The following BICRA variants were observed in gnomAD, a reference collection of about 807,000 sequenced individuals.
BICRA encodes BRD4-interacting chromatin-remodeling complex-associated protein.
Under a neutral mutation model 96.9 loss-of-function variants are expected in BICRA, and 31 were observed. The ratio of observed to expected loss-of-function variants is 0.32; its 90% confidence interval spans 0.24 to 0.43. The LOEUF is 0.43. Among genes scored for constraint, BICRA ranks in the 20% least tolerant of loss-of-function variants. BICRA has a pLI of 1.00. For synonymous variants in BICRA, 1,350 were observed against 1,071.8 expected, an observed-to-expected ratio of 1.26 and a Z score of -5.07; for missense variants, 2,283 against 2,190.3, an observed-to-expected ratio of 1.04 and a Z score of -0.84.
intron 1 of BICRA, among the ~76,000 whole-genome samples, chr19:47,660,822 C>T (rs1972692814): frequency 6.6e-6 from 1 of 152,146 alleles, no homozygotes; most frequent in Admixed American, 6.5e-5. Flanking sequence ...GGGCAAGTAC[C>T]CAACCCTTTT....
chr19:47,701,609 A>C lies in BICRA; in HGVS notation c.3877A>C (p.Asn1293His). 2 of 1,562,534 alleles carry C rather than the reference A, an allele frequency of 1.3e-6. No individual in the cohort carries two copies. Among genetic ancestry groups the C allele is most frequent in the South Asian group, 2.4e-5 (2 of 84,964 alleles). ...ADEDGPMPSR[N>H]RPPIKTYEAR... ...CGAGGACGGCCCCATGCCCTCCCGC[A>C]ACCGCCCGCCCATCAAGACCTACGA... The change falls in exon 15 of 15, where the codon AAC (asparagine) becomes CAC (histidine). Residue 1293 changes from asparagine (N) to histidine (H), a missense_variant. Asn to His is a moderately conservative substitution (Grantham distance 68). Coordinates refer to ENST00000594866, the MANE Select transcript of BICRA (RefSeq NM_001394372.1). This position sits in a 1 kb window ranked among gnomAD's most constrained non-coding sequence, Gnocchi z 5.4.
Position 47,702,269 on chromosome 19 carries a change from C to A in BICRA, c.4537C>A (p.Gln1513Lys). ...CATCGACAGCATCCTGAACCTGCAGCAGGCCCCCGGCCGGACGCCCGCGCC... is the reference window on the plus strand; with the variant it reads ...CATCGACAGCATCCTGAACCTGCAGAAGGCCCCCGGCCGGACGCCCGCGCC... ...SAIDSILNLQ[Q>K]APGRTPAPSY... Residue 1513 changes from glutamine (Q) to lysine (K), a missense_variant, in exon 15 of 15, where the codon CAG (glutamine) becomes AAG (lysine). By Grantham distance (53) the Gln-to-Lys change is moderately conservative (BLOSUM62 1). Transcript: ENST00000594866. The A allele has an allele frequency of 1.3e-6, 2 of 1,597,004 alleles. No homozygotes were observed. The highest frequency in any genetic ancestry group is 8.5e-7 in the Non-Finnish European group (1 of 1,177,270).
In BICRA at chr19:47,702,233, C is replaced by T; in HGVS notation, c.4501C>T (p.Leu1501=). ...SPQDDTLTEH[L]QSAIDSILNL... ...GCAGGATGACACGCTCACCGAGCACCTGCAGAGCGCCATCGACAGCATCCT... is the reference window on the plus strand; with the variant it reads ...GCAGGATGACACGCTCACCGAGCACTTGCAGAGCGCCATCGACAGCATCCT... The change falls in exon 15 of 15, where the codon CTG becomes TTG. Residue 1501 remains leucine, a synonymous_variant. Transcript: ENST00000594866. The T allele has an allele frequency of 1.3e-6, 2 of 1,599,518 alleles. No homozygotes were observed. The highest frequency in any genetic ancestry group is 1.7e-6 in the Non-Finnish European group (2 of 1,177,928).
intron 1 of BICRA, among the ~76,000 whole-genome samples, chr19:47,625,458 G>T (rs529717482): frequency 6.6e-6 from 1 of 152,030 alleles, no homozygotes; most frequent in Non-Finnish European, 1.5e-5. Context: ...TGACTTTCTC[G>T]TCCAATTTCC....
chr19:47,625,163 C>T (rs1322106069), intron 1 of BICRA, among the ~76,000 whole-genome samples: 1 of 151,832 alleles, frequency 6.6e-6, no homozygotes, highest in East Asian at 1.9e-4. Context: ...CCACGCCCAG[C>T]TAATTTTTGT....
chr19:47,649,292 T>G (rs1286139593), intron 1 of BICRA, among the ~76,000 whole-genome samples: 2 of 152,208 alleles, frequency 1.3e-5, no homozygotes, highest in African/African-American at 2.4e-5. Flanking sequence ...GGCCTGTATG[T>G]TATTAATATT....
intron 1 of BICRA, among the ~76,000 whole-genome samples, chr19:47,648,775 T>G (rs4801728): frequency 6.7e-6 from 1 of 150,224 alleles, no homozygotes; most frequent in Non-Finnish European, 1.5e-5. Context: ...GCCTCCTGAG[T>G]TCAAGTGAGC....
chr19:47,685,715 C>G (rs925182916), intron 7 of BICRA, among the ~76,000 whole-genome samples: 1 of 150,696 alleles, frequency 6.6e-6, no homozygotes, highest in East Asian at 2.0e-4. Context: ...TCTGTGCTCT[C>G]TGTACCCAGA....
rs556256165 is a variant in BICRA at position 47,696,747 on chromosome 19, G to C, written c.3248+235G>C. 2.0e-5 allele frequency among the ~76,000 whole-genome samples: 3 copies of C among 152,346 alleles called. No individual in the cohort carries two copies. In the East Asian group the frequency reaches 5.8e-4, roughly 29 times the overall value. ...GGCTCCGCCAGGCTGGGGCTCAGGA[G>C]GGCGGCAGTTTGGTCCATCCTGGTT... On this transcript the variant is annotated intron_variant, in intron 11 of 14. Coordinates refer to ENST00000594866, the MANE Select transcript of BICRA (RefSeq NM_001394372.1).
At position 47,695,360 on chromosome 19, in the gene BICRA, C is replaced by CCCCCG; in HGVS notation, c.3077-3_3077-2insCCGCC. ...CCCTGTCTCCCCCACCCCACCCACC[C>CCCCCG]CCAGGCCTCCCTCCTCTGCTTCCAG... is the stretch of plus-strand genomic sequence containing the variant. On this transcript the variant is annotated splice_polypyrimidine_tract_variant and splice_region_variant and intron_variant, in intron 9 of 14. Coordinates refer to ENST00000594866, the MANE Select transcript of BICRA (RefSeq NM_001394372.1). The CCCCCG allele has an allele frequency of 9.0e-7, 1 of 1,114,190 alleles. No individual in the cohort carries two copies. The highest frequency in any genetic ancestry group is 1.3e-6 in the Non-Finnish European group (1 of 760,870). The allele number at this position is 1,114,190 out of a possible 1,614,324, so 69.0% of individuals were successfully genotyped here. A position where few individuals can be genotyped will look rare whatever the true frequency, so the allele number is the denominator to read the frequency against.
In BICRA at chr19:47,619,180, G is replaced by GTA. The variant is rs910501128; in HGVS notation, c.-108+10022_-108+10023dup. ...GTATACTTACTCTTTCGTGGACAGT[G>GTA]TATATATATATGTATATATACATAT... On this transcript the variant is annotated intron_variant, in intron 1 of 14. Coordinates refer to ENST00000594866, the MANE Select transcript of BICRA (RefSeq NM_001394372.1). 6.4e-4 allele frequency among the ~76,000 whole-genome samples: 70 copies of GTA among 108,970 alleles called. 1 individual carries two copies. Among genetic ancestry groups the GTA allele is most frequent in the African/African-American group, 1.6e-3 (44 of 27,368 alleles). 71.5% of individuals were successfully genotyped at this position (108,970 alleles called of 152,430 possible).
chr19:47,696,972 C>T (rs1973354465), intron 11 of BICRA, among the ~76,000 whole-genome samples: 1 of 148,440 alleles, frequency 6.7e-6, no homozygotes. Flanking sequence ...GCCCTCTCTC[C>T]TGCCCTCCTT....
intron 7 of BICRA, among the ~76,000 whole-genome samples, chr19:47,693,493 A>G (rs1291374527): frequency 6.6e-6 from 1 of 152,226 alleles, no homozygotes; most frequent in African/African-American, 2.4e-5. Flanking sequence ...GCCCGCATCC[A>G]GAGGTCCACA....
At chr19:47,674,136 G>A (rs1972907232) in intron 4 of BICRA, among the ~76,000 whole-genome samples, 1 of 152,184 alleles carries the variant, frequency 6.6e-6, no homozygotes, top group Non-Finnish European at 1.5e-5. Context: ...TTGAAGGTGA[G>A]ACCTGAAGGA....
intron 1 of BICRA, among the ~76,000 whole-genome samples, chr19:47,655,193 T>G (rs1972596304): frequency 6.6e-6 from 1 of 152,062 alleles, no homozygotes; most frequent in Non-Finnish European, 1.5e-5. Flanking sequence ...AGTGCCATGT[T>G]TTCTATATTT....
At chr19:47,686,011 A>G (rs1228054571) in intron 7 of BICRA, among the ~76,000 whole-genome samples, 1 of 151,128 alleles carries the variant, frequency 6.6e-6, no homozygotes, top group African/African-American at 2.4e-5. Context: ...GCTAACTGCA[A>G]CCTTCACCTC....
chr19:47,694,731 C>G lies in BICRA; in HGVS notation c.2895+5C>G, dbSNP rs199554982. The G allele has an allele frequency of 1.7e-4, 246 of 1,431,252 alleles. No individual in the cohort carries two copies. The highest frequency in any genetic ancestry group is 5.4e-4 in the Middle Eastern group (3 of 5,566). 88.7% of individuals were successfully genotyped at this position (1,431,252 alleles called of 1,614,324 possible). On this transcript the variant is annotated splice_donor_5th_base_variant and intron_variant, in intron 8 of 14. Transcript: ENST00000594866. ...CTTCTCGAGAGATTTCACCAGGTAA[C>G]GGGAGGCAGGGACTGCCCGCCCCAT...
rs1224822627 is a variant in BICRA at position 47,694,674 on chromosome 19, C to A, written c.2843C>A (p.Thr948Asn). 2 of 1,596,902 alleles carry A rather than the reference C, an allele frequency of 1.3e-6. No homozygotes were observed. Among genetic ancestry groups the A allele is most frequent in the African/African-American group, 1.3e-5 (1 of 74,432 alleles). Residue 948 changes from threonine to asparagine, a missense_variant, in exon 8 of 15, where the codon ACC becomes AAC. Thr to Asn is a moderately conservative substitution (Grantham distance 65). Transcript: ENST00000594866. ...CCTCGGACCTTCCAGATGGTGACCA[C>A]CCCCTTCCCAGCGCTGCCCCAGCCG... The part of the protein sequence containing the change: ...PPPRTFQMVT[T>N]PFPALPQPKA...
chr19:47,673,026 C>T (rs1972889287), intron 2 of BICRA, among the ~76,000 whole-genome samples: 1 of 152,056 alleles, frequency 6.6e-6, no homozygotes, highest in Non-Finnish European at 1.5e-5. Flanking sequence ...CAAAGCCCTT[C>T]TTGTCTACAC....
Sources: gnomAD v4.1 joint callset for allele counts (sites outside exome capture counted in the v4.1 genomes callset) on GRCh38, gnomAD v4.1.1 for gene constraint, Gnocchi (gnomAD v3.1) non-coding constraint, MANE v1.5 for transcripts, NCBI Gene and HGNC (gene_info 2026-07-23, HGNC 2026-07-21) for gene names.